The following DUSP22 variants were observed in gnomAD, a reference collection of about 807,000 sequenced individuals.
DUSP22 encodes dual specificity phosphatase 22, also known as dual specificity protein phosphatase 22.
In DUSP22, 24 loss-of-function variants were observed where a neutral mutation model predicts 24.5. The ratio of observed to expected loss-of-function variants is 0.98; its 90% confidence interval spans 0.71 to 1.38. The LOEUF is 1.38. Among genes scored for constraint, DUSP22 ranks in the 40% most tolerant of loss-of-function variants. The probability of loss-of-function intolerance (pLI) is 0.00; values close to 1 mark genes in which losing one functional copy is unlikely to be tolerated. For missense variants in DUSP22, 330 were observed against 269.2 expected (o/e 1.23, Z -1.58); for synonymous variants, 160 against 106.4 (o/e 1.50, Z -3.10).
chr6:348,308 G>A (rs773117182), intron 6 of DUSP22, 34 bp downstream of exon 6: 8 of 1,611,718 alleles, frequency 5.0e-6, no homozygotes, highest in African/African-American at 1.3e-5. Flanking sequence ...AGAGATGCAG[G>A]CAGGTGCCCC....
intron 1 of DUSP22, among the ~76,000 whole-genome samples, chr6:301,134 C>T (rs1436027247): frequency 3.3e-5 from 5 of 152,306 alleles, no homozygotes; most frequent in Non-Finnish European, 7.3e-5. Flanking sequence ...CAGCTGGGCT[C>T]TGCTTCCCAC....
At chr6:324,577 G>T (rs1263962949) in intron 3 of DUSP22, among the ~76,000 whole-genome samples, 1 of 152,308 alleles carries the variant, frequency 6.6e-6, no homozygotes, top group Non-Finnish European at 1.5e-5. Context: ...AGCTCCCGTG[G>T]CACTCACCAC....
At chr6:302,846 G>A (rs1166630933) in intron 1 of DUSP22, among the ~76,000 whole-genome samples, 3 of 152,304 alleles carry the variant, frequency 2.0e-5, no homozygotes, top group Admixed American at 2.0e-4. Context: ...GAACAAGGGT[G>A]GATGGAAAGC....
At chr6:310,542 A>G (rs1433425015) in intron 2 of DUSP22, among the ~76,000 whole-genome samples, 2 of 152,292 alleles carry the variant, frequency 1.3e-5, no homozygotes. Flanking sequence ...TTTCCAGAAA[A>G]AGTTTCATTT....
intron 1 of DUSP22, among the ~76,000 whole-genome samples, chr6:303,732 T>C (rs556332810): frequency 1.2e-3 from 185 of 152,332 alleles, no homozygotes; most frequent in African/African-American, 4.1e-3. Context: ...AATTTCAGAG[T>C]GTCCATGCAA....
rs1440322677 is a variant in DUSP22 at position 321,891 on chromosome 6, A to T, written c.138+9929A>T. Among the ~76,000 whole-genome samples, 11 of 152,424 alleles carry T rather than the reference A, an allele frequency of 7.2e-5. No individual in the cohort carries two copies. The South Asian group carries it at 2.3e-3, about 32-fold the overall frequency. On this transcript the variant is annotated intron_variant, in intron 3 of 6. Transcript: ENST00000419235. Reference sequence around the variant, plus strand: ...GTACCCATGGCTCTGCCATCCAGGGATGTGAGTGCTCCAGGAAACAGAGCT... The same window carrying T: ...GTACCCATGGCTCTGCCATCCAGGGTTGTGAGTGCTCCAGGAAACAGAGCT...
chr6:341,075 G>A (rs1480301016), intron 4 of DUSP22, among the ~76,000 whole-genome samples: 3 of 152,302 alleles, frequency 2.0e-5, no homozygotes, highest in Non-Finnish European at 4.4e-5. Context: ...GGGTGACTGG[G>A]CAGTTTGCGA....
At position 303,233 on chromosome 6, in the gene DUSP22, A is replaced by G. The variant is rs1384150848; in HGVS notation, c.22-1395A>G. On this transcript the variant is annotated intron_variant, in intron 1 of 6. Coordinates refer to ENST00000419235, the MANE Select transcript of DUSP22 (RefSeq NM_001286555.3). Reference sequence around the variant, plus strand: ...GGATCCACATCCAGGACGAACTTGCATTGTTCCCGTCTTTCAAGATAGGAA... The same window carrying G: ...GGATCCACATCCAGGACGAACTTGCGTTGTTCCCGTCTTTCAAGATAGGAA... Among the ~76,000 whole-genome samples the G allele has an allele frequency of 4.6e-5, 7 of 152,302 alleles. No individual in the cohort carries two copies. The South Asian group carries it at 1.2e-3, about 27-fold the overall frequency.
chr6:316,099 A>G (rs1758324942), intron 3 of DUSP22, among the ~76,000 whole-genome samples: 3 of 152,306 alleles, frequency 2.0e-5, no homozygotes, highest in East Asian at 1.9e-4. Flanking sequence ...ATGCCAGGAC[A>G]TGACTTCCTC....
chr6:317,067 T>G (rs1266770788), intron 3 of DUSP22, among the ~76,000 whole-genome samples: 2 of 152,312 alleles, frequency 1.3e-5, no homozygotes, highest in Non-Finnish European at 2.9e-5. Flanking sequence ...TTGAAGACAT[T>G]TTTTGAAGTG....
chr6:350,488 GT>G lies in DUSP22; in HGVS notation c.*1541del. On this transcript the variant is annotated 3_prime_UTR_variant, in exon 7 of 7. Transcript: ENST00000419235. ...AAAGAGACCCTGAATAAGAAGAGCA[GT>G]TTTCCTGTGCATATAGAGGGTGTGT... is the stretch of plus-strand genomic sequence containing the variant. The G allele has an allele frequency of 1.7e-6, 2 of 1,206,234 alleles. No homozygotes were observed. Among genetic ancestry groups the G allele is most frequent in the Non-Finnish European group, 2.1e-6 (2 of 966,682 alleles). 74.7% of individuals were successfully genotyped at this position (1,206,234 alleles called of 1,614,324 possible).
chr6:315,754 G>C (rs949624492), intron 3 of DUSP22, among the ~76,000 whole-genome samples: 2 of 152,306 alleles, frequency 1.3e-5, no homozygotes, highest in Non-Finnish European at 2.9e-5. Flanking sequence ...TGAAGACAAA[G>C]GGTTACTGAT....
At chr6:333,939 T>TA (rs1759251466) in intron 3 of DUSP22, among the ~76,000 whole-genome samples, 1 of 152,306 alleles carries the variant, frequency 6.6e-6, no homozygotes, top group African/African-American at 2.4e-5. Flanking sequence ...CAGGGGCTAT[T>TA]AAAATGTGTA....
At chr6:294,906 G>C (rs1425820090) in intron 1 of DUSP22, among the ~76,000 whole-genome samples, 1 of 152,290 alleles carries the variant, frequency 6.6e-6, no homozygotes, top group Non-Finnish European at 1.5e-5. Context: ...GGGGCATTCA[G>C]CCCAGGCAAG....
intron 1 of DUSP22, among the ~76,000 whole-genome samples, chr6:298,534 G>C (rs1272407496): frequency 1.3e-5 from 2 of 152,304 alleles, no homozygotes; most frequent in African/African-American, 4.8e-5. Flanking sequence ...TCCTGCCTTA[G>C]AAGCAGTATT....
intron 1 of DUSP22, among the ~76,000 whole-genome samples, chr6:294,901 A>G (rs1461309454): frequency 1.3e-5 from 2 of 152,302 alleles, no homozygotes; most frequent in Non-Finnish European, 2.9e-5. Context: ...TAGAAGGGGC[A>G]TTCAGCCCAG....
At chr6:345,794 C>G (rs1184180244) in intron 4 of DUSP22, 60 bp from the exon 5 acceptor site, 1 of 1,575,756 alleles carries the variant, frequency 6.3e-7, no homozygotes, top group Non-Finnish European at 8.6e-7. Flanking sequence ...GTAGAATTTT[C>G]TTTTCATCAT....
At chr6:310,510 T>G (rs544862153) in intron 2 of DUSP22, among the ~76,000 whole-genome samples, 13 of 152,416 alleles carry the variant, frequency 8.5e-5, no homozygotes, top group Middle Eastern at 3.4e-3. Context: ...AACTGATAGC[T>G]GATAGACAGT....
chr6:304,281 C>T (rs933315114), intron 1 of DUSP22, among the ~76,000 whole-genome samples: 3 of 152,308 alleles, frequency 2.0e-5, no homozygotes, highest in African/African-American at 7.2e-5. Context: ...GTGCAGTGGC[C>T]TCGTGCAGCA....
Sources: allele counts gnomAD v4.1 joint callset (sites outside exome capture counted in the v4.1 genomes callset), GRCh38; gene constraint gnomAD v4.1.1; transcripts MANE v1.5; gene names NCBI Gene and HGNC (gene_info 2026-07-23, HGNC 2026-07-21).